The following MND1 variants were observed in gnomAD, a reference collection of about 807,000 sequenced individuals.
MND1 encodes meiotic nuclear divisions 1, also known as meiotic nuclear division protein 1 homolog.
In MND1, 28 loss-of-function variants were observed where a neutral mutation model predicts 35.1. The observed-to-expected ratio is 0.80, with a 90% CI of 0.59 to 1.09. The LOEUF is 1.09. Among genes scored for constraint, MND1 ranks in the 50% least tolerant of loss-of-function variants. The pLI is 0.00. For missense variants in MND1, 213 were observed against 239.6 expected (o/e 0.89, Z 0.73); for synonymous variants, 69 against 70.5 (o/e 0.98, Z 0.11).
chr4:153,407,573 G>A (rs913799794), intron 6 of MND1, among the ~76,000 whole-genome samples: 6 of 152,046 alleles, frequency 3.9e-5, no homozygotes, highest in South Asian at 2.1e-4. Context: ...TTATCTCTTC[G>A]CCAAAATATA....
rs181273100 is a variant in MND1, at chr4:153,362,843, A to G, written c.276+4221A>G. 588 of 200,526 alleles carry G rather than the reference A, an allele frequency of 2.9e-3. 4 individuals are homozygous for G. The highest frequency in any genetic ancestry group is 0.013 in the African/African-American group (554 of 41,322). The allele number at this position is 200,526 out of a possible 1,614,324, so 12.4% of individuals were successfully genotyped here. ...GGCTTGTTTTTTTTAGTCTCTGGGTACTTTAGTAGTTATGGACCAATTTTT... is the reference window on the plus strand; with the variant it reads ...GGCTTGTTTTTTTTAGTCTCTGGGTGCTTTAGTAGTTATGGACCAATTTTT... On this transcript the variant is annotated intron_variant, in intron 4 of 7. Coordinates refer to ENST00000240488, the MANE Select transcript of MND1 (RefSeq NM_032117.4).
At chr4:153,371,164 G>A (rs12499126) in intron 4 of MND1, among the ~76,000 whole-genome samples, 31,450 of 151,866 alleles carry the variant, frequency 0.21, 3,523 homozygotes, top group East Asian at 0.27. Flanking sequence ...GCTGTAAATC[G>A]ATATGCTGTC....
At chr4:153,390,078 T>C (rs547036887) in intron 4 of MND1, among the ~76,000 whole-genome samples, 12 of 151,868 alleles carry the variant, frequency 7.9e-5, no homozygotes, top group African/African-American at 2.4e-4. Context: ...CTGGTTCAGA[T>C]AGTTTATATA....
At chr4:153,368,358 G>C (rs930873022) in intron 4 of MND1, among the ~76,000 whole-genome samples, 2 of 151,978 alleles carry the variant, frequency 1.3e-5, no homozygotes, top group Non-Finnish European at 2.9e-5. Flanking sequence ...GGCATGTACT[G>C]CTGGTTGCCT....
intron 4 of MND1, among the ~76,000 whole-genome samples, chr4:153,376,079 G>A (rs139106485): frequency 3.9e-4 from 59 of 152,154 alleles, no homozygotes; most frequent in African/African-American, 1.2e-3. Context: ...AGCTATTTTG[G>A]CTCGACAGAT....
At chr4:153,372,147 G>A (rs903703834) in intron 4 of MND1, among the ~76,000 whole-genome samples, 5 of 151,928 alleles carry the variant, frequency 3.3e-5, no homozygotes, top group African/African-American at 7.2e-5. Context: ...ACAGATCACC[G>A]TGACAGATAT....
At chr4:153,387,800 CT>C (rs1275658121) in intron 4 of MND1, among the ~76,000 whole-genome samples, 1 of 150,370 alleles carries the variant, frequency 6.7e-6, no homozygotes, top group African/African-American at 2.5e-5. Flanking sequence ...AATTGTATGG[CT>C]TTTTTTTTCT....
chr4:153,362,621 C>G (rs556417842), intron 4 of MND1, among the ~76,000 whole-genome samples: 1 of 152,158 alleles, frequency 6.6e-6, no homozygotes, highest in African/African-American at 2.4e-5. Flanking sequence ...AATACACATA[C>G]TTAACTTATA....
chr4:153,394,150 CCTGGGGCGAGTG>C, intron 4 of MND1, 100 bp from the exon 5 acceptor site: 1 of 817,684 alleles, frequency 1.2e-6, no homozygotes, highest in Non-Finnish European at 2.0e-6. Context: ...CCTGCCTCGG[CCTGGGGCGAGTG>C]CTGGGGCGTG....
intron 4 of MND1, among the ~76,000 whole-genome samples, chr4:153,368,637 C>T (rs1032805895): frequency 2.0e-5 from 3 of 152,148 alleles, no homozygotes; most frequent in African/African-American, 7.2e-5. Flanking sequence ...AAGTTCTGTT[C>T]ATTCATGTCC....
At chr4:153,392,537 A>G (rs17029921) in intron 4 of MND1, among the ~76,000 whole-genome samples, 9,783 of 152,274 alleles carry the variant, frequency 0.064, 512 homozygotes, top group African/African-American at 0.15. Context: ...ACCTAATCAC[A>G]TGAATCTGTA....
Position 153,358,458 on chromosome 4 carries a change from A to AAAAAT in MND1, c.128-15_128-11dup. On this transcript the variant is annotated splice_polypyrimidine_tract_variant and intron_variant, in intron 3 of 7. Transcript: ENST00000240488. ...GGTGTTTTTCTAACATAGAGTCTTT[A>AAAAAT]AAAATTGTCTCTTAGCTGCTATGTC... The AAAAAT allele has an allele frequency of 6.4e-7, 1 of 1,567,960 alleles. No individual in the cohort carries two copies.
intron 4 of MND1, chr4:153,361,621 C>T (rs1411908055): frequency 8.9e-6 from 4 of 451,106 alleles, no homozygotes; most frequent in Non-Finnish European, 1.3e-5. Context: ...GGGCAGATCA[C>T]GAGGTCAGGA....
intron 3 of MND1, among the ~76,000 whole-genome samples, chr4:153,356,145 T>C (rs1181144504): frequency 1.3e-5 from 2 of 152,176 alleles, no homozygotes; most frequent in African/African-American, 4.8e-5. Context: ...AATCCAGTTA[T>C]TAGACTGGTT....
chr4:153,404,713 C>T (rs181377826), intron 6 of MND1, among the ~76,000 whole-genome samples: 4 of 150,604 alleles, frequency 2.7e-5, no homozygotes, highest in South Asian at 2.1e-4. Context: ...TCCTGACCTC[C>T]GGTGATCTGC....
chr4:153,379,791 A>G, intron 4 of MND1, among the ~76,000 whole-genome samples: 1 of 143,812 alleles, frequency 7.0e-6, no homozygotes, highest in Non-Finnish European at 1.5e-5. Context: ...CAGAGGTTGC[A>G]GTGAGCCGAG....
At chr4:153,414,572 C>T (rs771845987) in intron 7 of MND1, among the ~76,000 whole-genome samples, 179 bp from the exon 8 acceptor site, 1 of 152,078 alleles carries the variant, frequency 6.6e-6, no homozygotes, top group Non-Finnish European at 1.5e-5. Context: ...CATGAGCCAC[C>T]GCACCTGGCC....
chr4:153,393,581 G>A (rs1028054661), intron 4 of MND1, among the ~76,000 whole-genome samples: 21 of 151,814 alleles, frequency 1.4e-4, no homozygotes, highest in Non-Finnish European at 2.8e-4. Flanking sequence ...GTTTTGCCGT[G>A]TTGCCCAGGC....
intron 4 of MND1, chr4:153,381,764 G>GT (rs1468684859): frequency 8.4e-6 from 1 of 118,962 alleles, no homozygotes; most frequent in African/African-American, 3.3e-5. Context: ...CTGGAATGCA[G>GT]TAGCTATTCA....
Sources: gnomAD v4.1 joint callset for allele counts (sites outside exome capture counted in the v4.1 genomes callset) on GRCh38, gnomAD v4.1.1 for gene constraint, MANE v1.5 for transcripts, NCBI Gene and HGNC (gene_info 2026-07-23, HGNC 2026-07-21) for gene names.